Variants in ESRRG observed in about 807,000 individuals in gnomAD.
ESRRG encodes the protein estrogen-related receptor gamma.
In ESRRG, 13 loss-of-function variants were observed where a neutral mutation model predicts 44.0. That is an observed-to-expected ratio of 0.30 (90% CI 0.19 to 0.47). ESRRG has a LOEUF of 0.47. Ranked by LOEUF, ESRRG falls within the 20% of genes least tolerant of loss-of-function variation. ESRRG has a pLI of 1.00. For missense variants in ESRRG, 395 were observed against 580.6 expected (o/e 0.68, Z 3.29); for synonymous variants, 215 against 214.6 (o/e 1.00, Z -0.02).
At chr1:216,902,252 G>C (rs1297856187) in intron 2 of ESRRG, among the ~76,000 whole-genome samples, 1 of 152,192 alleles carries the variant, frequency 6.6e-6, no homozygotes, top group African/African-American at 2.4e-5. Context: ...ACTTTGGGAC[G>C]CTGAGGCGGG....
At chr1:217,061,249 C>T (rs2088421449) in intron 1 of ESRRG, among the ~76,000 whole-genome samples, 1 of 152,048 alleles carries the variant, frequency 6.6e-6, no homozygotes, top group South Asian at 2.1e-4. Context: ...ATTCAACCCC[C>T]TATTACCGAA....
intron 2 of ESRRG, among the ~76,000 whole-genome samples, chr1:216,887,472 G>C (rs182072487): frequency 1.9e-4 from 29 of 152,248 alleles, no homozygotes; most frequent in Admixed American, 1.6e-3. Context: ...ATTTACTCTT[G>C]GTTGTTAAAC....
chr1:216,569,191 G>C (rs1009193140), intron 3 of ESRRG, among the ~76,000 whole-genome samples: 1 of 73,854 alleles, frequency 1.4e-5, no homozygotes, highest in African/African-American at 7.0e-5. Context: ...GGAAGGGAAG[G>C]GAAAGGAAAG....
intron 3 of ESRRG, among the ~76,000 whole-genome samples, chr1:216,576,763 G>A (rs1163993534): frequency 1.3e-5 from 2 of 151,982 alleles, no homozygotes; most frequent in Non-Finnish European, 2.9e-5. Context: ...TCTACCAGGG[G>A]TAAGGTTGCT....
chr1:217,081,665 A>G (rs2091779609), intron 1 of ESRRG, among the ~76,000 whole-genome samples: 1 of 151,942 alleles, frequency 6.6e-6, no homozygotes, highest in Non-Finnish European at 1.5e-5. Flanking sequence ...GGCAGATCCC[A>G]CCTCCAGGCC....
chr1:216,658,901 A>AAGAGAAGAGAAGAGAAGAGG (rs2071463080), intron 2 of ESRRG, among the ~76,000 whole-genome samples: 1 of 149,586 alleles, frequency 6.7e-6, no homozygotes, highest in African/African-American at 2.5e-5. Context: ...AAGAGAAGAG[A>AAGAGAAGAGAAGAGAAGAGG]AGAGAAGAGA....
chr1:216,582,988 G>A (rs1338776973), intron 3 of ESRRG, among the ~76,000 whole-genome samples: 1 of 151,828 alleles, frequency 6.6e-6, no homozygotes, highest in Non-Finnish European at 1.5e-5. Context: ...GGCCAGGAAA[G>A]ACTTCATGAG....
chr1:216,877,626 G>A (rs1054518294), intron 2 of ESRRG, among the ~76,000 whole-genome samples: 3 of 151,826 alleles, frequency 2.0e-5, no homozygotes, highest in East Asian at 1.9e-4. Flanking sequence ...AGGCTGTCTC[G>A]AACTCCAGAC....
intron 2 of ESRRG, among the ~76,000 whole-genome samples, chr1:216,837,487 A>C (rs1434337162): frequency 1.3e-5 from 2 of 152,192 alleles, no homozygotes; most frequent in Non-Finnish European, 2.9e-5. Flanking sequence ...ATTTAAATAA[A>C]TGTGCTGATG....
At chr1:216,901,201 CAG>C (rs754454531) in intron 2 of ESRRG, among the ~76,000 whole-genome samples, 32 of 152,166 alleles carry the variant, frequency 2.1e-4, no homozygotes, top group South Asian at 8.3e-4. Context: ...GGTACAGAAT[CAG>C]AGTCAGAAGC....
chr1:216,965,370 G>C (rs774520144), intron 1 of ESRRG, among the ~76,000 whole-genome samples: 5 of 152,018 alleles, frequency 3.3e-5, no homozygotes, highest in Non-Finnish European at 7.4e-5. Flanking sequence ...TTAATGCAAG[G>C]CTTCATCTAT....
intron 2 of ESRRG, among the ~76,000 whole-genome samples, chr1:216,766,534 C>T (rs973501648): frequency 1.3e-5 from 2 of 151,924 alleles, no homozygotes; most frequent in Admixed American, 6.6e-5. Context: ...TTTTCCAATA[C>T]CATATGAACT....
chr1:217,010,809 C>T (rs2789574), intron 1 of ESRRG, among the ~76,000 whole-genome samples: 114,101 of 152,096 alleles, frequency 0.75, 43,470 homozygotes, highest in African/African-American at 0.88. Flanking sequence ...TTATGGGAAA[C>T]ATGATTAAGG....
chr1:216,994,464 AACAC>A (rs112022176), intron 1 of ESRRG, among the ~76,000 whole-genome samples: 21,897 of 150,912 alleles, frequency 0.15, 1,853 homozygotes, highest in East Asian at 0.41. Flanking sequence ...CATGTGTGTA[AACAC>A]ACACACACAC....
intron 2 of ESRRG, among the ~76,000 whole-genome samples, chr1:216,931,832 C>T (rs1374801154): frequency 8.7e-5 from 9 of 103,770 alleles, no homozygotes; most frequent in Admixed American, 8.3e-4. Context: ...AAATGAGAAA[C>T]CACAAAAAAA....
intron 1 of ESRRG, among the ~76,000 whole-genome samples, chr1:217,108,681 C>T (rs1280244910): frequency 6.6e-6 from 1 of 151,990 alleles, no homozygotes; most frequent in Non-Finnish European, 1.5e-5. Flanking sequence ...TCTGCTTCAC[C>T]ATGTGATGTG....
intron 2 of ESRRG, among the ~76,000 whole-genome samples, chr1:216,826,797 A>T (rs1404292763): frequency 6.6e-6 from 1 of 152,154 alleles, no homozygotes; most frequent in Non-Finnish European, 1.5e-5. Context: ...ATTACTCTGG[A>T]CTTTGGTTCA....
At chr1:216,564,490 C>A (rs545087437) in intron 4 of ESRRG, 110 bp from the exon 5 acceptor site, 67 of 792,248 alleles carry the variant, frequency 8.5e-5, no homozygotes, top group Non-Finnish European at 1.2e-4. Context: ...CTACAATAAA[C>A]GCTAAATATT....
rs79277502 is a variant in ESRRG at position 216,848,074 on chromosome 1, C to G, written c.-14+91508G>C. 2.7e-3 allele frequency among the ~76,000 whole-genome samples: 404 copies of G among 152,194 alleles called. 2 individuals carry two copies. Among genetic ancestry groups the G allele is most frequent in the African/African-American group, 9.0e-3 (375 of 41,548 alleles). On this transcript the variant is annotated intron_variant, in intron 2 of 7. Coordinates refer to the ESRRG transcript ENST00000359162. The stretch of plus-strand genomic sequence containing the variant: ...GTTTAGCAGCATCCATGGTTTTTGC[C>G]ACCCACTTAGTGACAACCAAAAATG...
Sources: allele counts gnomAD v4.1 joint callset (sites outside exome capture counted in the v4.1 genomes callset), GRCh38; gene constraint gnomAD v4.1.1; transcripts MANE v1.5; gene names NCBI Gene and HGNC (gene_info 2026-07-23, HGNC 2026-07-21).